The following POC5 variants were observed in gnomAD, a reference collection of about 807,000 sequenced individuals.
The protein encoded by POC5 is centrosomal protein POC5.
In POC5, 48 loss-of-function variants were observed where a neutral mutation model predicts 62.9. The observed-to-expected ratio is 0.76, with a 90% CI of 0.61 to 0.97. The LOEUF (loss-of-function observed/expected upper bound fraction) is 0.97, where lower values mean the gene tolerates loss of function less well. Ranked by LOEUF, POC5 falls within the 50% of genes least tolerant of loss-of-function variation. The pLI, the probability that POC5 is intolerant of heterozygous loss-of-function variation, is 0.00. For synonymous variants in POC5, 236 were observed against 228.2 expected, an observed-to-expected ratio of 1.03 and a Z score of -0.31; for missense variants, 696 against 679.5, an observed-to-expected ratio of 1.02 and a Z score of -0.27.
intron 1 of POC5, 92 bp from the exon 2 acceptor site, chr5:75,713,043 T>C: frequency 1.1e-6 from 1 of 875,072 alleles, no homozygotes; most frequent in Non-Finnish European, 1.7e-6. Flanking sequence ...TATCCAAATC[T>C]GCAATCTTCC....
At chr5:75,705,124 T>G (rs938643026) in intron 4 of POC5, 2 of 152,244 alleles carry the variant, frequency 1.3e-5, no homozygotes, top group African/African-American at 4.8e-5. Context: ...GAGGATCACT[T>G]GAGCCAAGGA....
intron 11 of POC5, among the ~76,000 whole-genome samples, chr5:75,674,868 C>T (rs924000235): frequency 8.5e-5 from 13 of 152,204 alleles, no homozygotes; most frequent in African/African-American, 3.1e-4. Context: ...CAAGTGGAAT[C>T]TTGTAATGTG....
At chr5:75,705,902 A>G in intron 3 of POC5, 115 bp from the exon 4 acceptor site, 1 of 608,312 alleles carries the variant, frequency 1.6e-6, no homozygotes, top group Non-Finnish European at 2.8e-6. Flanking sequence ...ACAAAATACA[A>G]CATGCTGGGG....
Position 75,685,291 on chromosome 5 carries a change from G to C in POC5, c.1323C>G (p.Thr441=), listed in dbSNP as rs774711056. 21 of 1,614,044 alleles carry C rather than the reference G, an allele frequency of 1.3e-5. No individual in the cohort carries two copies. In the South Asian group the frequency reaches 2.0e-4, roughly 15 times the overall value. ...GAACAGAAGATGCGGAAGCAGCCCTGGTAGAAGTCATCGAAGCAGCTGAGG... is the reference window on the plus strand; with the variant it reads ...GAACAGAAGATGCGGAAGCAGCCCTCGTAGAAGTCATCGAAGCAGCTGAGG... The part of the protein sequence containing the change: ...AVPSAASMTS[T]RAASASSVHV... Residue 441 remains threonine, a synonymous_variant, in exon 10 of 12, where the codon ACC becomes ACG. Coordinates refer to ENST00000428202, the MANE Select transcript of POC5 (RefSeq NM_001099271.2).
At chr5:75,697,994 G>C (rs1289323208) in intron 5 of POC5, among the ~76,000 whole-genome samples, 1 of 143,260 alleles carries the variant, frequency 7.0e-6, no homozygotes, top group Non-Finnish European at 1.5e-5. Context: ...ATGGTAAAGG[G>C]ATCAATTCAA....
At chr5:75,689,578 A>C in intron 8 of POC5, 1 of 983,702 alleles carries the variant, frequency 1.0e-6, no homozygotes. Context: ...TTATAATGTA[A>C]ATGTTACCTT....
rs973691385 is a variant in POC5, at chr5:75,705,557, A to C, written c.307+147T>G. 5.5e-6 allele frequency: 3 copies of C among 544,188 alleles called. No homozygotes were observed. In the African/African-American group the frequency reaches 5.8e-5, roughly 11 times the overall value. 33.7% of individuals were successfully genotyped at this position (544,188 alleles called of 1,614,324 possible). A position where few individuals can be genotyped will look rare whatever the true frequency, so the allele number is the denominator to read the frequency against. On this transcript the variant is annotated intron_variant, in intron 4 of 11. Coordinates refer to ENST00000428202, the MANE Select transcript of POC5 (RefSeq NM_001099271.2). ...TTGGTATCTTATCAAATTATTTTAA[A>C]TATTATCACTTAAATTAGCAATAAT...
chr5:75,681,674 G>A (rs1775872607), intron 10 of POC5, among the ~76,000 whole-genome samples: 1 of 150,416 alleles, frequency 6.6e-6, no homozygotes, highest in Admixed American at 6.6e-5. Context: ...TTATTAGCAT[G>A]GTAATCTTCC....
At chr5:75,690,306 A>G in intron 8 of POC5, 77 bp downstream of exon 8, 1 of 1,279,576 alleles carries the variant, frequency 7.8e-7, no homozygotes, top group South Asian at 1.7e-5. Flanking sequence ...CAAAAGAAGA[A>G]GTCTATTAAT....
chr5:75,674,889 T>C (rs1371470102), intron 11 of POC5, among the ~76,000 whole-genome samples: 1 of 152,174 alleles, frequency 6.6e-6, no homozygotes. Context: ...TACAGAGGCT[T>C]TGTATACAGA....
At chr5:75,702,412 T>A (rs1776925307) in intron 5 of POC5, among the ~76,000 whole-genome samples, 193 bp downstream of exon 5, 1 of 152,170 alleles carries the variant, frequency 6.6e-6, no homozygotes, top group Non-Finnish European at 1.5e-5. Context: ...TATGAAGCTG[T>A]AGTTTAACAG....
intron 7 of POC5, among the ~76,000 whole-genome samples, 164 bp from the exon 8 acceptor site, chr5:75,690,726 TAAGC>T (rs1776296181): frequency 6.6e-6 from 1 of 152,242 alleles, no homozygotes; most frequent in African/African-American, 2.4e-5. Context: ...TTAGAGAGGT[TAAGC>T]AAGCTACGTA....
At chr5:75,699,956 C>A (rs1274642966) in intron 5 of POC5, among the ~76,000 whole-genome samples, 1 of 151,992 alleles carries the variant, frequency 6.6e-6, no homozygotes, top group Non-Finnish European at 1.5e-5. Context: ...CATGAGTGAA[C>A]TCCCATTCAT....
In POC5 at chr5:75,685,263, C is replaced by T. The variant is rs552713438; in HGVS notation, c.1351G>A (p.Val451Ile). 25 of 1,614,006 alleles carry T rather than the reference C, an allele frequency of 1.5e-5. 1 individual carries two copies. Among genetic ancestry groups the T allele is most frequent in the African/African-American group, 1.2e-4 (9 of 75,048 alleles). Residue 451 changes from valine to isoleucine, a missense_variant, in exon 10 of 12, where the codon GTT becomes ATT. By Grantham distance (29) the Val-to-Ile change is conservative (BLOSUM62 3). Coordinates refer to ENST00000428202, the MANE Select transcript of POC5 (RefSeq NM_001099271.2). ...CCTGCACCAAGAGCAGAAACAGGAACGTGAACAGAAGATGCGGAAGCAGCC... is the reference window on the plus strand; with the variant it reads ...CCTGCACCAAGAGCAGAAACAGGAATGTGAACAGAAGATGCGGAAGCAGCC... ...TRAASASSVH[V>I]PVSALGAGSA...
chr5:75,688,917 C>T, intron 9 of POC5, 95 bp downstream of exon 9: 2 of 1,189,072 alleles, frequency 1.7e-6, no homozygotes, highest in East Asian at 5.4e-5. Context: ...AACATACCTA[C>T]TGCAGATTAT....
rs559155991 is a variant in POC5, at chr5:75,690,523, T to C, written c.835A>G (p.Thr279Ala). The change falls in exon 8 of 12, where the codon ACT becomes GCT. Residue 279 changes from threonine to alanine, a missense_variant. By Grantham distance (58) the Thr-to-Ala change is moderately conservative (BLOSUM62 0). Coordinates refer to ENST00000428202, the MANE Select transcript of POC5 (RefSeq NM_001099271.2). ...ACTTTCCAGACTTTCTTCAGTAAAGTTCTCTGGTAGTACTGGTCAGCTAGT... is the reference window on the plus strand; with the variant it reads ...ACTTTCCAGACTTTCTTCAGTAAAGCTCTCTGGTAGTACTGGTCAGCTAGT... ...GKLADQYYQR[T>A]LLKKVWKVWR... The C allele has an allele frequency of 1.1e-4, 174 of 1,599,732 alleles. No individual in the cohort carries two copies. In the East Asian group the frequency reaches 3.2e-3, roughly 30 times the overall value.
At chr5:75,713,068 ATCAT>A in intron 1 of POC5, 117 bp from the exon 2 acceptor site, 1 of 729,600 alleles carries the variant, frequency 1.4e-6, no homozygotes, top group East Asian at 2.8e-5. Context: ...ATATGCTAAA[ATCAT>A]TCATTCAACA....
chr5:75,676,753 C>T (rs1056813652), intron 11 of POC5, among the ~76,000 whole-genome samples: 7 of 151,366 alleles, frequency 4.6e-5, no homozygotes, highest in Non-Finnish European at 8.8e-5. Context: ...ACCCAGGGGG[C>T]GGAGATTGCA....
intron 1 of POC5, among the ~76,000 whole-genome samples, chr5:75,714,860 C>T (rs1777485681): frequency 6.6e-6 from 1 of 152,022 alleles, no homozygotes; most frequent in Admixed American, 6.6e-5. Flanking sequence ...TGTGGGAGCG[C>T]CGCACTGGAG....
Sources: gnomAD v4.1 joint callset for allele counts (sites outside exome capture counted in the v4.1 genomes callset) on GRCh38, gnomAD v4.1.1 for gene constraint, MANE v1.5 for transcripts, NCBI Gene and HGNC (gene_info 2026-07-23, HGNC 2026-07-21) for gene names.